SLC9A7: variants seen among roughly 807,000 people sequenced by gnomAD.
SLC9A7 encodes the protein solute carrier family 9 member A7, also known as sodium/hydrogen exchanger 7.
SLC9A7 carries 19 observed loss-of-function variants against 52.6 expected under a neutral mutation model. That is an observed-to-expected ratio of 0.36 (90% confidence interval 0.25 to 0.53). The LOEUF is 0.53. Among genes scored for constraint, SLC9A7 ranks in the 20% least tolerant of loss-of-function variants. The probability of loss-of-function intolerance (pLI) is 0.91; values close to 1 mark genes in which losing one functional copy is unlikely to be tolerated. For synonymous variants in SLC9A7, 226 were observed against 252.1 expected (o/e 0.90, Z 0.98); for missense variants, 455 against 597.9 (o/e 0.76, Z 2.49).
At chrX:46,737,002 G>A (rs776614684) in intron 1 of SLC9A7, among the ~76,000 whole-genome samples, 2 of 111,678 alleles carry the variant, frequency 1.8e-5, no homozygotes, top group Non-Finnish European at 3.8e-5. Context: ...CAAACACAAT[G>A]CCAGGCCTAC....
At chrX:46,692,860 A>T (rs1185336996) in intron 1 of SLC9A7, among the ~76,000 whole-genome samples, 1 of 110,787 alleles carries the variant, frequency 9.0e-6, no homozygotes, top group Non-Finnish European at 1.9e-5. Context: ...CTGGCTCTCT[A>T]AACAGAGTCA....
At chrX:46,728,680 C>T (rs1395843294) in intron 1 of SLC9A7, among the ~76,000 whole-genome samples, 1 of 112,119 alleles carries the variant, frequency 8.9e-6, no homozygotes, top group Admixed American at 9.5e-5. Context: ...CACACAAAGA[C>T]ATGTAAGCAA....
At chrX:46,691,176 T>G (rs927403975) in intron 1 of SLC9A7, among the ~76,000 whole-genome samples, 26 of 72,696 alleles carry the variant, frequency 3.6e-4, no homozygotes, top group African/African-American at 7.8e-4. Context: ...TTTATTGCTG[T>G]GTTTTGGGAA....
chrX:46,734,531 C>A (rs1945092198), intron 1 of SLC9A7, among the ~76,000 whole-genome samples: 1 of 111,708 alleles, frequency 9.0e-6, no homozygotes, highest in Non-Finnish European at 1.9e-5. Context: ...TTATTTCACA[C>A]TCATTTTTTA....
At chrX:46,750,185 G>A (rs1374832366) in intron 1 of SLC9A7, among the ~76,000 whole-genome samples, 1 of 111,361 alleles carries the variant, frequency 9.0e-6, no homozygotes, top group African/African-American at 3.3e-5. Context: ...CGGGATTCAG[G>A]TTCTGCTCTA....
chrX:46,758,925 G>C lies in SLC9A7; in HGVS notation c.105C>G (p.Val35=), dbSNP rs1556295007. The C allele has an allele frequency of 7.8e-6, 9 of 1,146,932 alleles. No individual in the cohort carries two copies. In the Admixed American group the frequency reaches 2.4e-4, roughly 30 times the overall value. 94.5% of individuals were successfully genotyped at this position (1,146,932 alleles called of 1,213,427 possible). A position where few individuals can be genotyped will look rare whatever the true frequency, so the allele number is the denominator to read the frequency against. ...LPLLLGWGLR[V]AAAASASSSG... ...AGGAGGAGGCCGAGGCCGCGGCCGC[G>C]ACTCGCAGCCCCCAACCCAGCAGCA... The change falls in exon 1 of 17, where the codon GTC becomes GTG. Residue 35 remains valine, a synonymous_variant. Coordinates refer to ENST00000616978, the MANE Select transcript of SLC9A7 (RefSeq NM_001257291.2).
chrX:46,620,427 A>C (rs767952231), intron 15 of SLC9A7, among the ~76,000 whole-genome samples: 34 of 111,097 alleles, frequency 3.1e-4, no homozygotes, highest in African/African-American at 1.1e-3. Context: ...TCAAAAACAA[A>C]AAACAAACAA....
At chrX:46,712,304 C>T (rs995474697) in intron 1 of SLC9A7, among the ~76,000 whole-genome samples, 2 of 111,319 alleles carry the variant, frequency 1.8e-5, no homozygotes, top group African/African-American at 6.5e-5. Flanking sequence ...GTCTCTGAGG[C>T]GGGCCTCAGG....
At chrX:46,636,373 A>T (rs1175676255) in intron 12 of SLC9A7, among the ~76,000 whole-genome samples, 2 of 110,721 alleles carry the variant, frequency 1.8e-5, no homozygotes, top group Non-Finnish European at 3.8e-5. Context: ...TGTTGTGGTG[A>T]CCCGCATGGT....
chrX:46,646,934 T>C (rs1053493766), intron 11 of SLC9A7: 1 of 315,051 alleles, frequency 3.2e-6, no homozygotes, highest in Non-Finnish European at 6.2e-6. Flanking sequence ...CTGCGATCTT[T>C]ACTGATGCTG....
At chrX:46,624,483 T>C (rs1039234515) in intron 14 of SLC9A7, among the ~76,000 whole-genome samples, 1 of 112,465 alleles carries the variant, frequency 8.9e-6, no homozygotes, top group Admixed American at 9.3e-5. Context: ...GAAAATAGGT[T>C]TTAATTTTAG....
chrX:46,628,800 C>T (rs1199417914), intron 14 of SLC9A7, among the ~76,000 whole-genome samples: 1 of 112,344 alleles, frequency 8.9e-6, no homozygotes, highest in Non-Finnish European at 1.9e-5. Context: ...GGATCTATTT[C>T]AGGGGAAACT....
intron 4 of SLC9A7, among the ~76,000 whole-genome samples, chrX:46,672,311 T>C (rs1223551989): frequency 8.9e-6 from 1 of 112,063 alleles, no homozygotes; most frequent in Non-Finnish European, 1.9e-5. Context: ...GCTCTGGTTG[T>C]TTTTATCAAA....
chrX:46,696,761 A>G (rs1182948971), intron 1 of SLC9A7, among the ~76,000 whole-genome samples: 1 of 112,141 alleles, frequency 8.9e-6, no homozygotes, highest in East Asian at 2.8e-4. Flanking sequence ...CATGTGCCAG[A>G]CACTGTTCTA....
At chrX:46,740,109 T>C (rs1016611254) in intron 1 of SLC9A7, among the ~76,000 whole-genome samples, 2 of 111,867 alleles carry the variant, frequency 1.8e-5, no homozygotes, top group African/African-American at 6.5e-5. Context: ...TGTATAAACA[T>C]ACAGACACAC....
intron 15 of SLC9A7, among the ~76,000 whole-genome samples, chrX:46,616,127 C>G (rs1339599385): frequency 9.5e-6 from 1 of 105,667 alleles, no homozygotes; most frequent in Admixed American, 1.0e-4. Context: ...TCAAGACCAG[C>G]CTGGGCAACA....
chrX:46,671,195 T>C (rs1418001744), intron 4 of SLC9A7, among the ~76,000 whole-genome samples: 1 of 111,978 alleles, frequency 8.9e-6, no homozygotes, highest in Non-Finnish European at 1.9e-5. Flanking sequence ...TTATCCGGGA[T>C]ACCACATGGC....
intron 7 of SLC9A7, among the ~76,000 whole-genome samples, chrX:46,658,570 T>C (rs1209707804): frequency 9.0e-6 from 1 of 110,626 alleles, no homozygotes; most frequent in Non-Finnish European, 1.9e-5. Flanking sequence ...AAACACAAAC[T>C]ACCATCAGAG....
At chrX:46,695,637 C>A (rs1163408821) in intron 1 of SLC9A7, among the ~76,000 whole-genome samples, 1 of 111,778 alleles carries the variant, frequency 8.9e-6, no homozygotes, top group Non-Finnish European at 1.9e-5. Flanking sequence ...GCACTATGTG[C>A]TTCCTCTTTT....
Sources: gnomAD v4.1 joint callset for allele counts (sites outside exome capture counted in the v4.1 genomes callset) on GRCh38, gnomAD v4.1.1 for gene constraint, MANE v1.5 for transcripts, NCBI Gene and HGNC (gene_info 2026-07-23, HGNC 2026-07-21) for gene names.